The following CYP11A1 variants were observed in gnomAD, a reference collection of about 807,000 sequenced individuals.
CYP11A1 encodes cytochrome P450 family 11 subfamily A member 1.
In CYP11A1, 25 loss-of-function variants were observed where a neutral mutation model predicts 51.9. The observed-to-expected ratio is 0.48, with a 90% CI of 0.35 to 0.67. The LOEUF is 0.67. Ranked by LOEUF, CYP11A1 falls within the 30% of genes least tolerant of loss-of-function variation. CYP11A1 has a pLI of 0.00. For synonymous variants in CYP11A1, 245 were observed against 262.1 expected, an observed-to-expected ratio of 0.93 and a Z score of 0.63; for missense variants, 578 against 680.9, an observed-to-expected ratio of 0.85 and a Z score of 1.68.
chr15:74,338,680 C>T lies in CYP11A1; in HGVS notation c.1325G>A (p.Ser442Asn), dbSNP rs767327902. Residue 442 changes from serine to asparagine, a missense_variant, in exon 8 of 9, where the codon AGC becomes AAC. Transcript: ENST00000268053. ...GAAGTAGGTGATGTTCTTGTCTTTG[C>T]TCAGCCATCGGGTTGGGTCAAAATT... ...PENFDPTRWL[S>N]KDKNITYFRN... 6.2e-7 allele frequency: 1 copy of T among 1,614,202 alleles called. No individual in the cohort carries two copies. Among genetic ancestry groups the T allele is most frequent in the Admixed American group, 1.7e-5 (1 of 60,030 alleles).
rs147438713 is a variant in CYP11A1, at chr15:74,364,970, G to A, written c.269+2347C>T. Among the ~76,000 whole-genome samples, 10 of 152,240 alleles carry A rather than the reference G, an allele frequency of 6.6e-5. No individual in the cohort carries two copies. The East Asian group carries it at 1.9e-3, about 29-fold the overall frequency. On this transcript the variant is annotated intron_variant, in intron 1 of 8. Transcript: ENST00000268053. ...AGTTTGGACTTTAAAGGAGTTGTGA[G>A]AGAGGGAGGGAGCAGCTGAAGCCCC...
chr15:74,348,123 G>A, intron 1 of CYP11A1, 68 bp from the exon 2 acceptor site: 3 of 1,564,342 alleles, frequency 1.9e-6, no homozygotes, highest in Non-Finnish European at 2.6e-6. Flanking sequence ...GCTCAGCACA[G>A]CTGCCTCACA....
In CYP11A1 at chr15:74,345,116, G is replaced by T. The variant is rs764446555; in HGVS notation, c.553C>A (p.Arg185Ser). 1.2e-6 allele frequency: 2 copies of T among 1,614,076 alleles called. No homozygotes were observed. The highest frequency in any genetic ancestry group is 1.6e-4 in the Middle Eastern group (1 of 6,062). Reference protein sequence around the residue: ...SRDFVSVLHRRIKKAGSGNYS... With the variant: ...SRDFVSVLHRSIKKAGSGNYS... ...TTTCCGGAGCCCGCCTTCTTGATGCGCCTGTGCAGGACACTGACGAAGTCC... is the reference window on the plus strand; with the variant it reads ...TTTCCGGAGCCCGCCTTCTTGATGCTCCTGTGCAGGACACTGACGAAGTCC... The change falls in exon 3 of 9, where the codon CGC (arginine) becomes AGC (serine). Residue 185 changes from arginine (R) to serine (S), a missense_variant. Coordinates refer to ENST00000268053, the MANE Select transcript of CYP11A1 (RefSeq NM_000781.3). The surrounding 1 kb of genome is among the most constrained non-coding windows in gnomAD (Gnocchi z 4.3).
intron 1 of CYP11A1, among the ~76,000 whole-genome samples, chr15:74,355,858 G>A (rs756362920): frequency 2.0e-5 from 3 of 152,176 alleles, no homozygotes; most frequent in African/African-American, 4.8e-5. Context: ...TGGCTCATTT[G>A]GCAGCAACCC....
chr15:74,357,570 C>G (rs186688669), intron 1 of CYP11A1, among the ~76,000 whole-genome samples: 1 of 152,200 alleles, frequency 6.6e-6, no homozygotes, highest in Non-Finnish European at 1.5e-5. Flanking sequence ...ATCCTAAATT[C>G]TTTCGCCACT....
chr15:74,345,086 A>C lies in CYP11A1; in HGVS notation c.583T>G (p.Ser195Ala). 6.2e-7 allele frequency: 1 copy of C among 1,614,032 alleles called. No individual in the cohort carries two copies. Among genetic ancestry groups the C allele is most frequent in the Non-Finnish European group, 8.5e-7 (1 of 1,179,926 alleles). The change falls in exon 3 of 9, where the codon TCG becomes GCG. Residue 195 changes from serine (S) to alanine (A), a missense_variant. By Grantham distance (99) the Ser-to-Ala change is moderately conservative. Coordinates refer to ENST00000268053, the MANE Select transcript of CYP11A1 (RefSeq NM_000781.3). The surrounding 1 kb of genome is among the most constrained non-coding windows in gnomAD (Gnocchi z 4.3). ...AACAGGTCATCACTGATGTCCCCCG[A>C]GTAATTTCCGGAGCCCGCCTTCTTG... ...RIKKAGSGNYSGDISDDLFRF... is the reference protein window; with the variant it reads ...RIKKAGSGNYAGDISDDLFRF...
At chr15:74,348,224 A>G in intron 1 of CYP11A1, 169 bp from the exon 2 acceptor site, 1 of 674,002 alleles carries the variant, frequency 1.5e-6, no homozygotes, top group Middle Eastern at 3.2e-4. Flanking sequence ...AGACAAATAC[A>G]GTACCTGTCT....
chr15:74,366,342 G>T, intron 1 of CYP11A1: 1 of 815,226 alleles, frequency 1.2e-6, no homozygotes, highest in Non-Finnish European at 1.5e-6. Context: ...GGAGTGCAGT[G>T]ACATGATCTC....
At chr15:74,341,280 C>T (rs894664895) in intron 5 of CYP11A1, among the ~76,000 whole-genome samples, 3 of 152,102 alleles carry the variant, frequency 2.0e-5, no homozygotes, top group Admixed American at 6.5e-5. Context: ...TCTTTGGTGC[C>T]GGTGAGTGAT....
intron 6 of CYP11A1, 41 bp downstream of exon 6, chr15:74,339,545 AG>A (rs2060596476): frequency 6.2e-7 from 1 of 1,604,208 alleles, no homozygotes; most frequent in Middle Eastern, 1.7e-4. Flanking sequence ...GGCCCTGCCC[AG>A]GGATTGGAGT....
intron 1 of CYP11A1, among the ~76,000 whole-genome samples, chr15:74,353,797 C>T (rs949436263): frequency 4.6e-5 from 7 of 152,124 alleles, no homozygotes; most frequent in African/African-American, 9.7e-5. Flanking sequence ...CATGATTTTT[C>T]TTAGTTCCTA....
chr15:74,349,151 A>G (rs1057101546), intron 1 of CYP11A1, among the ~76,000 whole-genome samples: 4 of 152,240 alleles, frequency 2.6e-5, no homozygotes, highest in African/African-American at 9.6e-5. Flanking sequence ...GAGAGGCCTC[A>G]GAAGAAAGCA....
At chr15:74,347,098 G>A (rs1488485208) in intron 2 of CYP11A1, among the ~76,000 whole-genome samples, 1 of 151,970 alleles carries the variant, frequency 6.6e-6, no homozygotes, top group African/African-American at 2.4e-5. Flanking sequence ...GAGCCAATGC[G>A]CCCTGACCCT....
At chr15:74,344,529 T>C (rs1334258051) in intron 3 of CYP11A1, among the ~76,000 whole-genome samples, 1 of 152,244 alleles carries the variant, frequency 6.6e-6, no homozygotes, top group Non-Finnish European at 1.5e-5. Flanking sequence ...TCTCTTGCTG[T>C]GACCACACAA....
At position 74,367,475 on chromosome 15, in the gene CYP11A1, T is replaced by A. The variant is rs2060739951; in HGVS notation, c.111A>T (p.Gly37=). ...GAGGACTGCGGGTGGAGATGCCAGC[T>A]CCCTCGCCAGTGGGCACCCTGAGAC... ...LGRLRVPTGE[G]AGISTRSPRP... Residue 37 remains glycine (G), a synonymous_variant, in exon 1 of 9, where the codon GGA becomes GGT. Transcript: ENST00000268053. 1 of 1,614,186 alleles carries A rather than the reference T, an allele frequency of 6.2e-7. No individual in the cohort carries two copies. Among genetic ancestry groups the A allele is most frequent in the African/African-American group, 1.3e-5 (1 of 75,064 alleles).
intron 4 of CYP11A1, 40 bp from the exon 5 acceptor site, chr15:74,343,177 G>A: frequency 1.2e-6 from 2 of 1,609,512 alleles, no homozygotes; most frequent in East Asian, 2.2e-5. Flanking sequence ...GAGGTTCCCT[G>A]CAGGCGGGTG....
intron 5 of CYP11A1, 46 bp from the exon 6 acceptor site, chr15:74,339,799 C>G: frequency 6.2e-7 from 1 of 1,603,628 alleles, no homozygotes; most frequent in Non-Finnish European, 8.5e-7. Context: ...GCCTGTCACT[C>G]CGGGGCCCCT....
chr15:74,344,949 C>G (rs555219883), intron 3 of CYP11A1, 95 bp downstream of exon 3: 17 of 1,182,502 alleles, frequency 1.4e-5, no homozygotes, highest in Non-Finnish European at 2.0e-5. Context: ...GTCTCAATGC[C>G]TCTGCAGGGT....
At position 74,345,331 on chromosome 15, in the gene CYP11A1, G is replaced by A. The variant is rs1304412626; in HGVS notation, c.426-88C>T. On this transcript the variant is annotated intron_variant, in intron 2 of 8. Coordinates refer to ENST00000268053, the MANE Select transcript of CYP11A1 (RefSeq NM_000781.3). This position sits in a 1 kb window ranked among gnomAD's most constrained non-coding sequence, Gnocchi z 4.3. ...GGGGCTGACTCAGTTTTCCCAGGAAGCTGAGTCACAGCTCACAGCATCCAG... is the reference window on the plus strand; with the variant it reads ...GGGGCTGACTCAGTTTTCCCAGGAAACTGAGTCACAGCTCACAGCATCCAG... 3 of 1,440,294 alleles carry A rather than the reference G, an allele frequency of 2.1e-6. No individual in the cohort carries two copies. The African/African-American group carries it at 4.2e-5, about 20-fold the overall frequency. 89.2% of individuals were successfully genotyped at this position (1,440,294 alleles called of 1,614,324 possible).
Sources: gnomAD v4.1 joint callset for allele counts (sites outside exome capture counted in the v4.1 genomes callset) on GRCh38, gnomAD v4.1.1 for gene constraint, Gnocchi (gnomAD v3.1) non-coding constraint, MANE v1.5 for transcripts, NCBI Gene and HGNC (gene_info 2026-07-23, HGNC 2026-07-21) for gene names.